Variants in GGTA1 observed in about 807,000 individuals in gnomAD.
The protein encoded by GGTA1 is glycoprotein alpha-galactosyltransferase 1 (inactive), also known as inactive N-acetyllactosaminide alpha-1,3-galactosyltransferase.
Under a neutral mutation model 2.6 loss-of-function variants are expected in GGTA1, and 5 were observed. The ratio of observed to expected loss-of-function variants is 1.92; its 90% CI spans 1.00 to 4.04. GGTA1 has a LOEUF of 4.04. Ranked by LOEUF, GGTA1 falls within the 30% of genes most tolerant of loss-of-function variation. The pLI is 0.00. For synonymous variants in GGTA1, 17 were observed against 5.0 expected, an observed-to-expected ratio of 3.38 and a Z score of -3.19; for missense variants, 50 against 16.7, an observed-to-expected ratio of 2.99 and a Z score of -3.47.
At chr9:121,469,579 GT>G (rs1485691518) in intron 1 of GGTA1, among the ~76,000 whole-genome samples, 1 of 152,182 alleles carries the variant, frequency 6.6e-6, no homozygotes, top group Non-Finnish European at 1.5e-5. Context: ...GGAGAATGAG[GT>G]GGCAGACTAC....
At chr9:121,496,348 C>T (rs556210598) in intron 1 of GGTA1, among the ~76,000 whole-genome samples, 30 of 152,258 alleles carry the variant, frequency 2.0e-4, no homozygotes, top group African/African-American at 7.2e-4. Context: ...CCATAATGGT[C>T]TCCATATCAC....
chr9:121,469,401 G>A (rs1329749516), intron 1 of GGTA1, among the ~76,000 whole-genome samples: 1 of 152,184 alleles, frequency 6.6e-6, no homozygotes, highest in Admixed American at 6.5e-5. Context: ...AGGGGTGCTA[G>A]TTGGCAACAG....
intron 1 of GGTA1, among the ~76,000 whole-genome samples, chr9:121,489,353 C>T (rs1047076310): frequency 6.6e-6 from 1 of 152,158 alleles, no homozygotes; most frequent in Non-Finnish European, 1.5e-5. Context: ...TGCACATTAC[C>T]ATGCCCAGCT....
downstream of GGTA1, among the ~76,000 whole-genome samples, chr9:121,450,860 G>A (rs1319817761): frequency 6.6e-6 from 1 of 152,140 alleles, no homozygotes; most frequent in African/African-American, 2.4e-5. Flanking sequence ...AACTTGATTG[G>A]TATTGTTAAT....
rs1486873973 is a variant in GGTA1 at position 121,461,176 on chromosome 9, A to G, written c.182+76T>C. On this transcript the variant is annotated intron_variant, in intron 4 of 5. Coordinates refer to ENST00000481799, the MANE Select transcript of GGTA1 (RefSeq NM_001382585.1). ...ATGAGTGACTGAGAAGGTCATGAAC[A>G]TGAAACCATTGTGTGTGGACCCTCT... 5 of 416,100 alleles carry G rather than the reference A, an allele frequency of 1.2e-5. No individual in the cohort carries two copies. The Admixed American group carries it at 1.6e-4, about 13-fold the overall frequency. The allele number at this position is 416,100 out of a possible 1,614,324, so 25.8% of individuals were successfully genotyped here.
downstream of GGTA1, among the ~76,000 whole-genome samples, chr9:121,451,762 G>C (rs2064879463): frequency 6.6e-6 from 1 of 152,174 alleles, no homozygotes; most frequent in African/African-American, 2.4e-5. Flanking sequence ...CTGGGCCGTA[G>C]AGCATAGGAA....
At chr9:121,448,771 A>C (rs1294366057) in intron 7 of GGTA1, among the ~76,000 whole-genome samples, 1 of 152,086 alleles carries the variant, frequency 6.6e-6, no homozygotes, top group Non-Finnish European at 1.5e-5. Flanking sequence ...ACATCCCTGC[A>C]CCAGAGTGAT....
intron 2 of GGTA1, among the ~76,000 whole-genome samples, chr9:121,466,953 CAAAAA>C (rs397894554): frequency 1.0e-5 from 1 of 99,964 alleles, no homozygotes; most frequent in African/African-American, 3.8e-5. Context: ...GACTCTGTCT[CAAAAA>C]AAAAAAAAAA....
chr9:121,448,182 C>G (rs142026680), intron 7 of GGTA1, among the ~76,000 whole-genome samples: 5 of 152,298 alleles, frequency 3.3e-5, no homozygotes, highest in Non-Finnish European at 7.4e-5. Context: ...ACCCCTTTGT[C>G]CAATTTACCA....
intron 4 of GGTA1, among the ~76,000 whole-genome samples, chr9:121,460,855 AAAAT>A (rs1396838303): frequency 1.3e-5 from 2 of 152,124 alleles, no homozygotes; most frequent in Non-Finnish European, 2.9e-5. Context: ...CAAAAAAATA[AAAAT>A]AAATAAATAA....
downstream of GGTA1, among the ~76,000 whole-genome samples, chr9:121,451,447 A>G (rs2064877917): frequency 6.6e-6 from 1 of 152,202 alleles, no homozygotes; most frequent in South Asian, 2.1e-4. Flanking sequence ...GGCCTCCCAA[A>G]GTGCTGGGAT....
chr9:121,482,421 T>C (rs1240794747), intron 1 of GGTA1, among the ~76,000 whole-genome samples: 1 of 151,698 alleles, frequency 6.6e-6, no homozygotes, highest in Non-Finnish European at 1.5e-5. Flanking sequence ...GAATCAATAT[T>C]GCACCATTGC....
chr9:121,499,679 C>G lies in GGTA1; in HGVS notation c.-39G>C, dbSNP rs897536278. On this transcript the variant is annotated 5_prime_UTR_variant, in exon 1 of 6. Transcript: ENST00000481799. Reference sequence around the variant, plus strand: ...TCCGCAGAACCAGGGCGCCGAGGGCCGGCGCGCGGTGAGCTGGGCTGAGCA... The same window carrying G: ...TCCGCAGAACCAGGGCGCCGAGGGCGGGCGCGCGGTGAGCTGGGCTGAGCA... 6.6e-6 allele frequency: 1 copy of G among 152,260 alleles called. No individual in the cohort carries two copies. The highest frequency in any genetic ancestry group is 1.5e-5 in the Non-Finnish European group (1 of 68,124). 9.4% of individuals were successfully genotyped at this position (152,260 alleles called of 1,614,324 possible).
At chr9:121,464,530 T>A (rs1164647301) in intron 2 of GGTA1, among the ~76,000 whole-genome samples, 1 of 150,700 alleles carries the variant, frequency 6.6e-6, no homozygotes, top group African/African-American at 2.4e-5. Flanking sequence ...TTTCACCACG[T>A]TGGTCAGGCT....
intron 1 of GGTA1, among the ~76,000 whole-genome samples, chr9:121,487,325 C>T (rs1828779953): frequency 6.6e-6 from 1 of 152,014 alleles, no homozygotes; most frequent in African/African-American, 2.4e-5. Context: ...ACACCTTAAT[C>T]CCAGCACTTT....
Position 121,483,605 on chromosome 9 carries a change from G to A in GGTA1, c.-9-15674C>T, listed in dbSNP as rs538509626. 2.6e-4 allele frequency among the ~76,000 whole-genome samples: 39 copies of A among 152,288 alleles called. No individual in the cohort carries two copies. In the South Asian group the frequency reaches 7.2e-3, roughly 28 times the overall value. On this transcript the variant is annotated intron_variant, in intron 1 of 5. Transcript: ENST00000481799. ...AGAGCTTGGTACCGTGTCCAGCCCC[G>A]AGTTGATTAATCTCATCATTACAGC...
chr9:121,469,368 C>T lies in GGTA1; in HGVS notation c.-9-1437G>A, dbSNP rs183220376. On this transcript the variant is annotated intron_variant, in intron 1 of 5. Transcript: ENST00000481799. ...GCATTAAAGAAGAAAAATACTGTCA[C>T]CTCAGCATGGCTGGATCCAAGGAGG... Among the ~76,000 whole-genome samples the T allele has an allele frequency of 4.6e-5, 7 of 152,248 alleles. No individual in the cohort carries two copies. In the East Asian group the frequency reaches 9.7e-4, roughly 21 times the overall value.
chr9:121,472,040 G>T (rs1410743540), intron 1 of GGTA1, among the ~76,000 whole-genome samples: 1 of 152,204 alleles, frequency 6.6e-6, no homozygotes, highest in Non-Finnish European at 1.5e-5. Context: ...ACCCTGAGCA[G>T]TGGCCCTCAT....
chr9:121,499,157 T>C (rs534855616), intron 1 of GGTA1, among the ~76,000 whole-genome samples: 167 of 151,948 alleles, frequency 1.1e-3, no homozygotes, highest in Non-Finnish European at 1.9e-3. Context: ...ATTCCCTTCC[T>C]CCTTGGGGTT....
Sources: gnomAD v4.1 joint callset for allele counts (sites outside exome capture counted in the v4.1 genomes callset) on GRCh38, gnomAD v4.1.1 for gene constraint, MANE v1.5 for transcripts, NCBI Gene and HGNC (gene_info 2026-07-23, HGNC 2026-07-21) for gene names.